IGSF10: variants seen among roughly 807,000 people sequenced by gnomAD.
IGSF10 encodes immunoglobulin superfamily member 10.
IGSF10 carries 126 observed loss-of-function variants against 128.2 expected under a neutral mutation model. The ratio of observed to expected loss-of-function variants is 0.98; its 90% confidence interval spans 0.85 to 1.14. The LOEUF (loss-of-function observed/expected upper bound fraction) is 1.14. Ranked by LOEUF, IGSF10 falls within the 50% of genes most tolerant of loss-of-function variation. IGSF10 has a pLI of 0.00. For missense variants in IGSF10, 3,295 were observed against 3,149.8 expected (o/e 1.05, Z -1.10); for synonymous variants, 1,185 against 1,146.2 (o/e 1.03, Z -0.68).
the IGSF10 span, among the ~76,000 whole-genome samples, chr3:151,479,663 G>GC: frequency 2.0e-5 from 3 of 152,162 alleles, no homozygotes; most frequent in Non-Finnish European, 4.4e-5. Context: ...CCTTGTTAGG[G>GC]CCAAGAGTGT....
Position 151,438,002 on chromosome 3 carries a change from T to C in IGSF10, c.6559A>G (p.Ile2187Val), listed in dbSNP as rs750063182. The change falls in exon 8 of 8, where the codon ATT becomes GTT. Residue 2187 changes from isoleucine (I) to valine (V), a missense_variant. Physicochemically the swap from Ile to Val is conservative, Grantham distance 29 (BLOSUM62 3). Coordinates refer to ENST00000282466, the MANE Select transcript of IGSF10 (RefSeq NM_178822.5). Reference sequence around the variant, plus strand: ...TTGGCATGAAATGTGTACCTATCAATGGAGAAGGAAATCATGTCATTGGAA... The same window carrying C: ...TTGGCATGAAATGTGTACCTATCAACGGAGAAGGAAATCATGTCATTGGAA... ...LPSNDMISFS[I>V]DRYTFHANGS... The C allele has an allele frequency of 6.2e-7, 1 of 1,614,236 alleles. No homozygotes were observed. Among genetic ancestry groups the C allele is most frequent in the Non-Finnish European group, 8.5e-7 (1 of 1,180,034 alleles).
the IGSF10 span, among the ~76,000 whole-genome samples, chr3:151,502,425 T>C: frequency 6.6e-6 from 1 of 152,044 alleles, no homozygotes; most frequent in African/African-American, 2.4e-5. Flanking sequence ...TTTTAGTCAC[T>C]TTTGGCCTAG....
chr3:151,447,643 G>T lies in IGSF10; in HGVS notation c.2338C>A (p.Pro780Thr), dbSNP rs1043973948. 5 of 1,614,018 alleles carry T rather than the reference G, an allele frequency of 3.1e-6. No homozygotes were observed. The highest frequency in any genetic ancestry group is 4.2e-6 in the Non-Finnish European group (5 of 1,180,036). The change falls in exon 6 of 8, where the codon CCC (proline) becomes ACC (threonine). Residue 780 changes from proline (P) to threonine (T), a missense_variant. By Grantham distance (38) the Pro-to-Thr change is conservative (BLOSUM62 -1). Coordinates refer to ENST00000282466, the MANE Select transcript of IGSF10 (RefSeq NM_178822.5). ...DKRENTTVSP[P>T]PVVTQLPNIP... ...TTTGGGAGTTGGGTGACCACTGGGGGTGGGCTCACTGTGGTATTTTCTCGC... is the reference window on the plus strand; with the variant it reads ...TTTGGGAGTTGGGTGACCACTGGGGTTGGGCTCACTGTGGTATTTTCTCGC...
the IGSF10 span, among the ~76,000 whole-genome samples, chr3:151,585,696 G>A: frequency 3.5e-3 from 536 of 151,948 alleles, 11 homozygotes; most frequent in Admixed American, 0.032. Flanking sequence ...TTGTTTAACT[G>A]GAAATAGCTT....
At chr3:151,486,874 C>T in the IGSF10 span, among the ~76,000 whole-genome samples, 9 of 152,122 alleles carry the variant, frequency 5.9e-5, no homozygotes, top group East Asian at 1.9e-4. Flanking sequence ...TGCCCACAAG[C>T]GAAAGCATGA....
chr3:151,445,177 C>T lies in IGSF10; in HGVS notation c.4804G>A (p.Glu1602Lys), dbSNP rs79363433. 32 of 1,614,242 alleles carry T rather than the reference C, an allele frequency of 2.0e-5. No homozygotes were observed. The South Asian group carries it at 2.3e-4, about 12-fold the overall frequency. ...VSMLATTGLS[E>K]ATTLVSDWDG... ...CAATCTGAAACAAGAGTGGTGGCCT[C>T]GGACAGGCCTGTAGTAGCCAACATG... Residue 1602 changes from glutamate (E) to lysine (K), a missense_variant, in exon 6 of 8, where the codon GAG becomes AAG. By Grantham distance (56) the Glu-to-Lys change is moderately conservative (BLOSUM62 1). Transcript: ENST00000282466.
the IGSF10 span, among the ~76,000 whole-genome samples, chr3:151,494,417 A>C: frequency 6.6e-6 from 1 of 152,102 alleles, no homozygotes; most frequent in African/African-American, 2.4e-5. Context: ...TCTGATGAAA[A>C]TGTTAACTGC....
At chr3:151,492,629 A>C in the IGSF10 span, among the ~76,000 whole-genome samples, 4 of 152,064 alleles carry the variant, frequency 2.6e-5, no homozygotes, top group Non-Finnish European at 5.9e-5. Flanking sequence ...GAGGCAGGAG[A>C]ATCACTGGAA....
the IGSF10 span, among the ~76,000 whole-genome samples, chr3:151,495,847 T>C: frequency 0.82 from 125,107 of 151,994 alleles, 51,579 homozygotes; most frequent in Middle Eastern, 0.93. Context: ...AGTGTATTCC[T>C]ACTTCCCAAT....
chr3:151,515,770 T>A, the IGSF10 span, among the ~76,000 whole-genome samples: 5 of 151,244 alleles, frequency 3.3e-5, no homozygotes, highest in African/African-American at 1.2e-4. Context: ...TATGGTGACT[T>A]CTTAATTGCT....
the IGSF10 span, among the ~76,000 whole-genome samples, chr3:151,520,611 A>C: frequency 6.6e-6 from 1 of 151,934 alleles, no homozygotes; most frequent in South Asian, 2.1e-4. Flanking sequence ...GCAACCAAGA[A>C]TTTAATATCC....
the IGSF10 span, among the ~76,000 whole-genome samples, chr3:151,577,587 C>T: frequency 0.066 from 9,992 of 152,020 alleles, 687 homozygotes; most frequent in African/African-American, 0.18. Flanking sequence ...ATATTAAATG[C>T]ATATTGAGGG....
At chr3:151,479,470 T>C in the IGSF10 span, among the ~76,000 whole-genome samples, 2 of 152,212 alleles carry the variant, frequency 1.3e-5, no homozygotes, top group South Asian at 4.1e-4. Flanking sequence ...ATTTCTTTGA[T>C]GGACAATGAA....
At position 151,436,948 on chromosome 3, in the gene IGSF10, A is replaced by G. The variant is rs1720330823; in HGVS notation, c.7613T>C (p.Ile2538Thr). Residue 2538 changes from isoleucine (I) to threonine (T), a missense_variant, in exon 8 of 8, where the codon ATT (isoleucine) becomes ACT (threonine). Physicochemically the swap from Ile to Thr is moderately conservative, Grantham distance 89 (BLOSUM62 -1). Coordinates refer to ENST00000282466, the MANE Select transcript of IGSF10 (RefSeq NM_178822.5). ...AAAGGCTGCCCCTGTCCTGGTGACA[A>G]TACTCCTGGGTGGACGATTTGTAAT... The part of the protein sequence containing the change: ...PRITNRPPRS[I>T]VTRTGAAFQL... The G allele has an allele frequency of 3.7e-6, 6 of 1,614,222 alleles. No homozygotes were observed. The East Asian group carries it at 1.1e-4, about 30-fold the overall frequency.
At chr3:151,517,078 A>T in the IGSF10 span, among the ~76,000 whole-genome samples, 2 of 152,024 alleles carry the variant, frequency 1.3e-5, no homozygotes, top group Non-Finnish European at 2.9e-5. Flanking sequence ...TGAGGCAATG[A>T]TTAGAAATTT....
At chr3:151,481,675 A>G in the IGSF10 span, among the ~76,000 whole-genome samples, 2 of 152,138 alleles carry the variant, frequency 1.3e-5, no homozygotes, top group African/African-American at 4.8e-5. Flanking sequence ...GTAAGACCTT[A>G]AGTCCACAAA....
At chr3:151,512,906 T>A in the IGSF10 span, among the ~76,000 whole-genome samples, 1 of 152,086 alleles carries the variant, frequency 6.6e-6, no homozygotes, top group Non-Finnish European at 1.5e-5. Context: ...CTCCCAAGAC[T>A]AAACCAGGAA....
At chr3:151,510,700 A>G in the IGSF10 span, among the ~76,000 whole-genome samples, 1 of 152,194 alleles carries the variant, frequency 6.6e-6, no homozygotes, top group Non-Finnish European at 1.5e-5. Flanking sequence ...AATGGCAAAG[A>G]AGTTAAAAAC....
the IGSF10 span, among the ~76,000 whole-genome samples, chr3:151,510,484 C>T: frequency 6.6e-6 from 1 of 152,062 alleles, no homozygotes; most frequent in Non-Finnish European, 1.5e-5. Flanking sequence ...CATCAAAGAC[C>T]AAAGGCAGAT....
Sources: allele counts gnomAD v4.1 joint callset (sites outside exome capture counted in the v4.1 genomes callset), GRCh38; gene constraint gnomAD v4.1.1; transcripts MANE v1.5; gene names NCBI Gene and HGNC (gene_info 2026-07-23, HGNC 2026-07-21).